Variants in CACNA1C observed in about 807,000 individuals in gnomAD.
The protein encoded by CACNA1C is calcium voltage-gated channel subunit alpha1 C, also known as voltage-dependent L-type calcium channel subunit alpha-1C.
Under a neutral mutation model 229.0 loss-of-function variants are expected in CACNA1C, and 30 were observed. That is an observed-to-expected ratio of 0.13 (90% CI 0.10 to 0.18). CACNA1C has a LOEUF of 0.18. CACNA1C is among the 10% of genes least tolerant of loss of function. The pLI is 1.00. For synonymous variants in CACNA1C, 1,114 were observed against 1,132.5 expected (o/e 0.98, Z 0.33); for missense variants, 1,658 against 2,845.0 (o/e 0.58, Z 9.49).
intron 9 of CACNA1C, among the ~76,000 whole-genome samples, chr12:2,522,309 G>T (rs2154580685): frequency 6.6e-6 from 1 of 152,276 alleles, no homozygotes. Flanking sequence ...TCAGTATGTA[G>T]GGCAATGATT....
intron 3 of CACNA1C, among the ~76,000 whole-genome samples, chr12:2,304,099 G>A (rs779798143): frequency 2.6e-5 from 4 of 152,174 alleles, no homozygotes; most frequent in Admixed American, 6.5e-5. Flanking sequence ...TCCCTTGCCC[G>A]GGGTGCACAG....
At chr12:2,556,849 CG>C in intron 10 of CACNA1C, 101 bp from the exon 11 acceptor site, 1 of 952,858 alleles carries the variant, frequency 1.0e-6, no homozygotes, top group Admixed American at 1.8e-5. Flanking sequence ...AGCACCCACA[CG>C]AAATTACCTG....
At chr12:2,268,335 C>G (rs1256141828) in intron 3 of CACNA1C, among the ~76,000 whole-genome samples, 3 of 152,192 alleles carry the variant, frequency 2.0e-5, no homozygotes, top group African/African-American at 7.2e-5. Context: ...GTGGCTGGAA[C>G]AAAGAATGTT....
chr12:2,375,358 G>A (rs2098018589), intron 3 of CACNA1C, among the ~76,000 whole-genome samples: 1 of 152,178 alleles, frequency 6.6e-6, no homozygotes, highest in Non-Finnish European at 1.5e-5. Context: ...ATGATGCCCG[G>A]TGTCGTGGCT....
intron 9 of CACNA1C, among the ~76,000 whole-genome samples, chr12:2,535,704 TAAAAAAAAA>T (rs758857733): frequency 1.2e-3 from 45 of 36,558 alleles, no homozygotes; most frequent in South Asian, 4.6e-3. Context: ...AGACCCTGTC[TAAAAAAAAA>T]AAAAAAAAAA....
At chr12:2,184,768 G>A (rs1351209380) in intron 3 of CACNA1C, among the ~76,000 whole-genome samples, 2 of 152,194 alleles carry the variant, frequency 1.3e-5, no homozygotes, top group Admixed American at 6.5e-5. Context: ...ACAAGGCGCC[G>A]TGGAGAGGCA....
intron 3 of CACNA1C, among the ~76,000 whole-genome samples, chr12:2,349,834 T>C (rs1464751978): frequency 2.0e-5 from 3 of 152,260 alleles, no homozygotes; most frequent in South Asian, 4.1e-4. Flanking sequence ...GGGCTCTCCA[T>C]GTACTAGGTG....
At chr12:2,120,498 G>C in intron 3 of CACNA1C, 68 bp downstream of exon 3, 1 of 899,742 alleles carries the variant, frequency 1.1e-6, no homozygotes, top group Middle Eastern at 2.1e-4. Flanking sequence ...TCACATAGAT[G>C]CATGGAATGT....
chr12:2,058,607 T>A (rs1411969491), intron 1 of CACNA1C, among the ~76,000 whole-genome samples: 1 of 152,202 alleles, frequency 6.6e-6, no homozygotes, highest in Non-Finnish European at 1.5e-5. Flanking sequence ...CTAAACATTC[T>A]GATAATGAAA....
At chr12:2,121,520 G>A (rs553575867) in intron 3 of CACNA1C, among the ~76,000 whole-genome samples, 1 of 152,268 alleles carries the variant, frequency 6.6e-6, no homozygotes, top group South Asian at 2.1e-4. Context: ...GGTGTTCACC[G>A]CCTGCGGGCT....
intron 3 of CACNA1C, among the ~76,000 whole-genome samples, chr12:2,382,459 C>G (rs2098271676): frequency 6.6e-6 from 1 of 152,128 alleles, no homozygotes; most frequent in African/African-American, 2.4e-5. Context: ...GAACATTATT[C>G]TGAGAAGGAC....
chr12:2,067,173 G>A lies in CACNA1C; in HGVS notation c.49+13562G>A, dbSNP rs2059561143. ...GCTCTGTAGGAGGCGTGCCAAGCTC[G>A]AGCTGGTGTGGGAGAATCAAGGTGG... On this transcript the variant is annotated intron_variant, in intron 1 of 46. Transcript: ENST00000399655. This position sits in a 1 kb window ranked among gnomAD's most constrained non-coding sequence, Gnocchi z 5.3. Among the ~76,000 whole-genome samples, 1 of 152,128 alleles carries A rather than the reference G, an allele frequency of 6.6e-6. No homozygotes were observed. Among genetic ancestry groups the A allele is most frequent in the Non-Finnish European group, 1.5e-5 (1 of 68,010 alleles).
chr12:2,582,735 G>A (rs1456076168), intron 14 of CACNA1C, 87 bp from the exon 15 acceptor site: 1 of 1,453,296 alleles, frequency 6.9e-7, no homozygotes, highest in Non-Finnish European at 9.4e-7. Context: ...GGACAATTTT[G>A]TTGACGTAGT....
At chr12:1,983,759 C>A (rs933957201) in intron 1 of CACNA1C, among the ~76,000 whole-genome samples, 2 of 151,898 alleles carry the variant, frequency 1.3e-5, no homozygotes, top group Non-Finnish European at 2.9e-5. Context: ...TTGTTCAAGT[C>A]TTCCATATAC....
chr12:2,093,729 T>C (rs908947855), intron 1 of CACNA1C, among the ~76,000 whole-genome samples: 1 of 152,164 alleles, frequency 6.6e-6, no homozygotes, highest in Middle Eastern at 3.2e-3. Flanking sequence ...ACTCTTTGGC[T>C]CAACTGGGAA....
rs2089858001 is a variant in CACNA1C, at chr12:2,630,437, G to C, written c.3829-3860G>C. Among the ~76,000 whole-genome samples the C allele has an allele frequency of 6.6e-6, 1 of 152,152 alleles. No individual in the cohort carries two copies. Among genetic ancestry groups the C allele is most frequent in the Admixed American group, 6.5e-5 (1 of 15,276 alleles). On this transcript the variant is annotated intron_variant, in intron 29 of 46. Transcript: ENST00000399655. This position sits in a 1 kb window ranked among gnomAD's most constrained non-coding sequence, Gnocchi z 5.4. ...GGACCCAACCACCTGGGGACTTGGG[G>C]ACCAGCAGGAAGGACCTGGGCCTTG...
At chr12:2,096,748 C>T (rs773261970) in intron 1 of CACNA1C, among the ~76,000 whole-genome samples, 6 of 152,162 alleles carry the variant, frequency 3.9e-5, no homozygotes, top group African/African-American at 7.2e-5. Context: ...ATTTTCTCTT[C>T]CTCCCCAGCC....
At chr12:2,202,066 A>G (rs550315523) in intron 3 of CACNA1C, among the ~76,000 whole-genome samples, 1 of 152,382 alleles carries the variant, frequency 6.6e-6, no homozygotes, top group African/African-American at 2.4e-5. Context: ...GTCTTTTGTT[A>G]TAATGATTAG....
At position 2,493,712 on chromosome 12, in the gene CACNA1C, T is replaced by G. The variant is rs892041087; in HGVS notation, c.1113+326T>G. On this transcript the variant is annotated intron_variant, in intron 7 of 46. Transcript: ENST00000399655. The surrounding 1 kb of genome is among the most constrained non-coding windows in gnomAD (Gnocchi z 4.6). ...GGGTTCCGTTCAACTCCTCCTCCCATGCAGAGTTCCTTCTGCCCTCATCCT... is the reference window on the plus strand; with the variant it reads ...GGGTTCCGTTCAACTCCTCCTCCCAGGCAGAGTTCCTTCTGCCCTCATCCT... 1.3e-5 allele frequency among the ~76,000 whole-genome samples: 2 copies of G among 152,190 alleles called. No homozygotes were observed. The highest frequency in any genetic ancestry group is 4.8e-5 in the African/African-American group (2 of 41,444).
Sources: gnomAD v4.1 joint callset for allele counts (sites outside exome capture counted in the v4.1 genomes callset) on GRCh38, gnomAD v4.1.1 for gene constraint, Gnocchi (gnomAD v3.1) non-coding constraint, MANE v1.5 for transcripts, NCBI Gene and HGNC (gene_info 2026-07-23, HGNC 2026-07-21) for gene names.